Variants in EML4 observed in about 807,000 individuals in gnomAD.
The protein encoded by EML4 is EMAP like 4, also known as echinoderm microtubule-associated protein-like 4.
Under a neutral mutation model 129.0 loss-of-function variants are expected in EML4, and 72 were observed. That is an observed-to-expected ratio of 0.56 (90% CI 0.46 to 0.68). EML4 has a LOEUF of 0.68. Ranked by LOEUF, EML4 falls within the 30% of genes least tolerant of loss-of-function variation. The pLI, the probability that EML4 is intolerant of heterozygous loss-of-function variation, is 0.00. For synonymous variants in EML4, 532 were observed against 405.0 expected, an observed-to-expected ratio of 1.31 and a Z score of -3.77; for missense variants, 1,363 against 1,190.6, an observed-to-expected ratio of 1.14 and a Z score of -2.13.
intron 2 of EML4, 83 bp from the exon 3 acceptor site, chr2:42,256,405 ACCACCCCCTCCTT>A (rs1676153232): frequency 8.3e-7 from 1 of 1,205,120 alleles, no homozygotes; most frequent in South Asian, 1.6e-5. Flanking sequence ...TTTTTTTTCT[ACCACCCCCTCCTT>A]CCAAATGGAC....
chr2:42,315,441 T>C (rs957782731), intron 17 of EML4, among the ~76,000 whole-genome samples: 3 of 152,382 alleles, frequency 2.0e-5, no homozygotes, highest in Middle Eastern at 3.4e-3. Context: ...AATACCCAAA[T>C]AGACATGAGA....
chr2:42,303,497 C>G, intron 16 of EML4, 51 bp downstream of exon 16: 4 of 1,590,422 alleles, frequency 2.5e-6, no homozygotes, highest in Non-Finnish European at 3.4e-6. Context: ...ACTCCTCACA[C>G]TGGCAGTTGA....
In EML4 at chr2:42,329,900, C is replaced by T. The variant is rs755260969; in HGVS notation, c.2639C>T (p.Thr880Ile). ...CAGAATGAGACTGTAGCGGATACTA[C>T]TCTAACCAAAGCCCCCGTCTCTTCC... ...LPQNETVADT[T>I]LTKAPVSSTE... The change falls in exon 23 of 23, where the codon ACT (threonine) becomes ATT (isoleucine). Residue 880 changes from threonine to isoleucine, a missense_variant. Physicochemically the swap from Thr to Ile is moderately conservative, Grantham distance 89. Transcript: ENST00000318522. 7 of 1,614,102 alleles carry T rather than the reference C, an allele frequency of 4.3e-6. No homozygotes were observed. The highest frequency in any genetic ancestry group is 5.9e-6 in the Non-Finnish European group (7 of 1,180,040).
In EML4 at chr2:42,330,151, G is replaced by A; in HGVS notation, c.2890G>A (p.Glu964Lys). 1.2e-6 allele frequency: 2 copies of A among 1,612,078 alleles called. No individual in the cohort carries two copies. Among genetic ancestry groups the A allele is most frequent in the African/African-American group, 1.3e-5 (1 of 74,250 alleles). Residue 964 changes from glutamate (E) to lysine (K), a missense_variant, in exon 23 of 23, where the codon GAG becomes AAG. Transcript: ENST00000318522. ...YEEPCNEISK[E>K]QAKATLLEDQ... Reference sequence around the variant, plus strand: ...AGAGCCATGCAACGAGATAAGCAAGGAGCAGGCCAAAGCCACCCTTCTGGA... The same window carrying A: ...AGAGCCATGCAACGAGATAAGCAAGAAGCAGGCCAAAGCCACCCTTCTGGA...
intron 4 of EML4, 177 bp downstream of exon 4, chr2:42,261,471 A>C: frequency 2.6e-6 from 1 of 389,928 alleles, no homozygotes; most frequent in Non-Finnish European, 4.5e-6. Flanking sequence ...TAAAGAATTA[A>C]GGTCACAATT....
At chr2:42,271,687 G>A (rs1318261167) in intron 6 of EML4, among the ~76,000 whole-genome samples, 1 of 151,670 alleles carries the variant, frequency 6.6e-6, no homozygotes, top group Non-Finnish European at 1.5e-5. Flanking sequence ...TTCAAATTAC[G>A]CGTATTTTTG....
chr2:42,218,697 A>G (rs544034283), intron 1 of EML4, among the ~76,000 whole-genome samples: 1 of 152,316 alleles, frequency 6.6e-6, no homozygotes, highest in Admixed American at 6.5e-5. Context: ...ATACAGCACA[A>G]TACAATTCCA....
chr2:42,282,001 C>T (rs1212651384), intron 7 of EML4, among the ~76,000 whole-genome samples: 1 of 152,142 alleles, frequency 6.6e-6, no homozygotes, highest in African/African-American at 2.4e-5. Flanking sequence ...CCAAACTGTT[C>T]CTTGCTATTA....
At chr2:42,275,047 C>A (rs927725393) in intron 6 of EML4, among the ~76,000 whole-genome samples, 3 of 152,152 alleles carry the variant, frequency 2.0e-5, no homozygotes, top group African/African-American at 7.2e-5. Context: ...CTGGACTAGC[C>A]TGAGGCCCTT....
intron 18 of EML4, 90 bp from the exon 19 acceptor site, chr2:42,317,337 G>C: frequency 1.2e-6 from 1 of 857,658 alleles, no homozygotes; most frequent in Non-Finnish European, 1.8e-6. Context: ...AAATTGATGA[G>C]ATTTAACAGC....
chr2:42,307,408 G>C (rs1246048215), intron 17 of EML4, among the ~76,000 whole-genome samples: 1 of 152,198 alleles, frequency 6.6e-6, no homozygotes, highest in Non-Finnish European at 1.5e-5. Context: ...GGATTGATTA[G>C]AATCTAGGGG....
At chr2:42,174,431 C>T (rs1670455344) in intron 1 of EML4, among the ~76,000 whole-genome samples, 1 of 152,024 alleles carries the variant, frequency 6.6e-6, no homozygotes, top group Non-Finnish European at 1.5e-5. Context: ...GCTGGGATTA[C>T]AGTTGTGTAC....
chr2:42,196,152 C>G (rs1671883260), intron 1 of EML4, among the ~76,000 whole-genome samples: 1 of 152,166 alleles, frequency 6.6e-6, no homozygotes, highest in African/African-American at 2.4e-5. Flanking sequence ...AAATACTTCT[C>G]TGAACCCTAG....
At chr2:42,195,698 G>C (rs1008213633) in intron 1 of EML4, among the ~76,000 whole-genome samples, 3 of 152,128 alleles carry the variant, frequency 2.0e-5, no homozygotes, top group Non-Finnish European at 4.4e-5. Context: ...ATTTGTGCCA[G>C]CTTTTGGTTA....
intron 1 of EML4, 69 bp downstream of exon 1, chr2:42,169,705 C>A: frequency 1.3e-6 from 2 of 1,541,146 alleles, no homozygotes; most frequent in South Asian, 2.3e-5. Context: ...GCACACAGCC[C>A]AGGCCCTGCC....
chr2:42,227,987 A>G lies in EML4; in HGVS notation c.26-17518A>G, dbSNP rs567880061. Among the ~76,000 whole-genome samples, 9 of 152,294 alleles carry G rather than the reference A, an allele frequency of 5.9e-5. No homozygotes were observed. The South Asian group carries it at 1.7e-3, about 28-fold the overall frequency. On this transcript the variant is annotated intron_variant, in intron 1 of 22. Transcript: ENST00000318522. ...GTAATCCCAACACTTTGGGAGGCCA[A>G]GGTGGGCGGATTACTTGAGGTCAGG...
chr2:42,230,572 A>T (rs1468438134), intron 1 of EML4, among the ~76,000 whole-genome samples: 1 of 152,012 alleles, frequency 6.6e-6, no homozygotes, highest in Non-Finnish European at 1.5e-5. Flanking sequence ...ATCCCCAGCT[A>T]ATTTTTTATT....
intron 1 of EML4, among the ~76,000 whole-genome samples, chr2:42,229,519 C>T (rs533292119): frequency 6.2e-4 from 94 of 151,862 alleles, no homozygotes; most frequent in African/African-American, 2.2e-3. Context: ...TTTCATAAAG[C>T]AAGACAGATA....
At chr2:42,270,969 C>G (rs796485416) in intron 6 of EML4, among the ~76,000 whole-genome samples, 8 of 152,224 alleles carry the variant, frequency 5.3e-5, no homozygotes, top group African/African-American at 1.9e-4. Context: ...GATCACAGCT[C>G]ACTGCAGCCT....
Sources: gnomAD v4.1 joint callset for allele counts (sites outside exome capture counted in the v4.1 genomes callset) on GRCh38, gnomAD v4.1.1 for gene constraint, MANE v1.5 for transcripts, NCBI Gene and HGNC (gene_info 2026-07-23, HGNC 2026-07-21) for gene names.